Variants in CNTNAP5 observed in about 807,000 individuals in gnomAD.
The protein encoded by CNTNAP5 is contactin associated protein family member 5.
CNTNAP5 carries 72 observed loss-of-function variants against 150.2 expected under a neutral mutation model. That is an observed-to-expected ratio of 0.48 (90% CI 0.40 to 0.58). CNTNAP5 has a LOEUF of 0.58. Among genes scored for constraint, CNTNAP5 ranks in the 20% least tolerant of loss-of-function variants. CNTNAP5 has a pLI of 0.00. For missense variants in CNTNAP5, 1,636 were observed against 1,626.2 expected (o/e 1.01, Z -0.10); for synonymous variants, 672 against 619.8 (o/e 1.08, Z -1.25).
intron 13 of CNTNAP5, among the ~76,000 whole-genome samples, chr2:124,657,179 G>C (rs564273748): frequency 6.6e-5 from 10 of 152,116 alleles, no homozygotes; most frequent in African/African-American, 2.4e-4. Flanking sequence ...CATAGCTTGG[G>C]GGCACACCTA....
chr2:124,627,275 C>T (rs111617792), intron 12 of CNTNAP5, among the ~76,000 whole-genome samples: 1,824 of 152,280 alleles, frequency 0.012, 30 homozygotes, highest in African/African-American at 0.041. Flanking sequence ...TGCCTCCTGA[C>T]TGGGTGAGAC....
At chr2:124,602,338 C>CAAAAAAA (rs35316532) in intron 11 of CNTNAP5, among the ~76,000 whole-genome samples, 28 of 89,694 alleles carry the variant, frequency 3.1e-4, no homozygotes, top group Admixed American at 4.1e-4. Context: ...AAGACTTCAC[C>CAAAAAAA]AAAAAAAAAA....
chr2:124,726,634 T>A (rs1680162530), intron 13 of CNTNAP5, among the ~76,000 whole-genome samples: 1 of 147,084 alleles, frequency 6.8e-6, no homozygotes, highest in Middle Eastern at 3.4e-3. Context: ...CATTTGTACG[T>A]CTTCTTCAAA....
intron 10 of CNTNAP5, among the ~76,000 whole-genome samples, chr2:124,529,085 C>G (rs772103467): frequency 1.3e-5 from 2 of 148,564 alleles, no homozygotes; most frequent in Non-Finnish European, 3.0e-5. Flanking sequence ...ATTTGACCAG[C>G]TGAAAAAGTA....
At chr2:124,336,748 C>T (rs1226955916) in intron 3 of CNTNAP5, among the ~76,000 whole-genome samples, 1 of 151,976 alleles carries the variant, frequency 6.6e-6, no homozygotes, top group Non-Finnish European at 1.5e-5. Flanking sequence ...TATATATGTG[C>T]CACATTTTCT....
At chr2:124,269,907 T>G (rs1314474856) in intron 3 of CNTNAP5, among the ~76,000 whole-genome samples, 1 of 152,208 alleles carries the variant, frequency 6.6e-6, no homozygotes, top group African/African-American at 2.4e-5. Context: ...TTTGGTCAGA[T>G]CGATATCCCA....
At chr2:124,612,718 C>T (rs192603173) in intron 12 of CNTNAP5, among the ~76,000 whole-genome samples, 5 of 152,144 alleles carry the variant, frequency 3.3e-5, no homozygotes, top group East Asian at 3.9e-4. Context: ...TTCAGCTGCA[C>T]GATGTCTAAC....
At chr2:124,380,305 G>T (rs951781085) in intron 3 of CNTNAP5, among the ~76,000 whole-genome samples, 2 of 152,130 alleles carry the variant, frequency 1.3e-5, no homozygotes, top group African/African-American at 2.4e-5. Flanking sequence ...AATTGCCAGA[G>T]CTGGTACATG....
At chr2:124,666,408 T>C (rs951740320) in intron 13 of CNTNAP5, among the ~76,000 whole-genome samples, 4 of 152,162 alleles carry the variant, frequency 2.6e-5, no homozygotes, top group Non-Finnish European at 5.9e-5. Context: ...GACTTAACCC[T>C]TGTCTGGCAG....
In CNTNAP5 at chr2:124,474,887, G is replaced by A; in HGVS notation, c.1062+5G>A. On this transcript the variant is annotated splice_donor_5th_base_variant and intron_variant, in intron 7 of 23. Transcript: ENST00000682447. The stretch of plus-strand genomic sequence containing the variant: ...AAGCATCAGATCTATACTGTGGTAA[G>A]TCAGCCCATCTGTTTTGTCTTGATG... 6.3e-7 allele frequency: 1 copy of A among 1,593,388 alleles called. No homozygotes were observed. The highest frequency in any genetic ancestry group is 8.5e-7 in the Non-Finnish European group (1 of 1,173,658).
intron 7 of CNTNAP5, among the ~76,000 whole-genome samples, chr2:124,484,614 C>A (rs1693830003): frequency 6.6e-6 from 1 of 152,092 alleles, no homozygotes; most frequent in Non-Finnish European, 1.5e-5. Context: ...TTTTTATAGC[C>A]TCACTCTGCT....
At chr2:124,671,266 A>G (rs1014425678) in intron 13 of CNTNAP5, among the ~76,000 whole-genome samples, 2 of 152,228 alleles carry the variant, frequency 1.3e-5, no homozygotes, top group African/African-American at 2.4e-5. Context: ...TTCCCAAGAC[A>G]ATCCTGATTT....
intron 6 of CNTNAP5, among the ~76,000 whole-genome samples, chr2:124,472,124 A>T (rs1303621132): frequency 6.6e-6 from 1 of 152,100 alleles, no homozygotes; most frequent in Non-Finnish European, 1.5e-5. Context: ...ATTACTTAAA[A>T]TATGAGCACA....
intron 3 of CNTNAP5, among the ~76,000 whole-genome samples, chr2:124,386,205 A>C (rs181555225): frequency 5.0e-4 from 76 of 152,318 alleles, no homozygotes; most frequent in Non-Finnish European, 8.7e-4. Flanking sequence ...AAGGCTGAAG[A>C]AACAATGTTG....
At chr2:124,044,889 AACACACACACACACAC>A (rs147761848) in intron 1 of CNTNAP5, among the ~76,000 whole-genome samples, 44 of 144,074 alleles carry the variant, frequency 3.1e-4, no homozygotes, top group South Asian at 2.1e-3. Context: ...GTAGTGAGGA[AACACACACACACACAC>A]ACACACACAC....
chr2:124,812,453 C>T (rs959639483), intron 19 of CNTNAP5, among the ~76,000 whole-genome samples: 9 of 151,884 alleles, frequency 5.9e-5, no homozygotes, highest in African/African-American at 1.9e-4. Context: ...AGGAAAGGGG[C>T]GGTTGGACAT....
At chr2:124,531,647 A>T (rs1346565598) in intron 10 of CNTNAP5, among the ~76,000 whole-genome samples, 5 of 152,136 alleles carry the variant, frequency 3.3e-5, no homozygotes, top group Admixed American at 1.3e-4. Flanking sequence ...CTGGAGACGT[A>T]TGTCAGTGTT....
rs1319183229 is a variant in CNTNAP5 at position 124,921,172 on chromosome 2, T to A, written c.*6884T>A. Among the ~76,000 whole-genome samples the A allele has an allele frequency of 6.6e-6, 1 of 152,174 alleles. No individual in the cohort carries two copies. Among genetic ancestry groups the A allele is most frequent in the African/African-American group, 2.4e-5 (1 of 41,448 alleles). ...GAAGAAAGACAAACTGTAAATAATGTATATTTAATAAAGAGAACATTTTGT... is the reference window on the plus strand; with the variant it reads ...GAAGAAAGACAAACTGTAAATAATGAATATTTAATAAAGAGAACATTTTGT... On this transcript the variant is annotated 3_prime_UTR_variant, in exon 24 of 24. Transcript: ENST00000682447.
At chr2:124,546,930 C>G (rs1438019317) in intron 10 of CNTNAP5, among the ~76,000 whole-genome samples, 1 of 152,038 alleles carries the variant, frequency 6.6e-6, no homozygotes, top group Non-Finnish European at 1.5e-5. Flanking sequence ...AAGCTAGCAC[C>G]AAGTCCAGCA....
Sources: allele counts gnomAD v4.1 joint callset (sites outside exome capture counted in the v4.1 genomes callset), GRCh38; gene constraint gnomAD v4.1.1; transcripts MANE v1.5; gene names NCBI Gene and HGNC (gene_info 2026-07-23, HGNC 2026-07-21).